The following SCARB1 variants were observed in gnomAD, a reference collection of about 807,000 sequenced individuals.
SCARB1 encodes CD36 and LIMPII analogous 1.
Under a neutral mutation model 57.2 loss-of-function variants are expected in SCARB1, and 30 were observed. The ratio of observed to expected loss-of-function variants is 0.52; its 90% CI spans 0.39 to 0.71. SCARB1 has a LOEUF of 0.71. Among genes scored for constraint, SCARB1 ranks in the 30% least tolerant of loss-of-function variants. SCARB1 has a pLI of 0.00. For synonymous variants in SCARB1, 249 were observed against 268.3 expected (o/e 0.93, Z 0.70); for missense variants, 543 against 671.2 (o/e 0.81, Z 2.11).
chr12:124,780,588 G>A (rs1388803767), intron 12 of SCARB1, among the ~76,000 whole-genome samples: 3 of 152,212 alleles, frequency 2.0e-5, no homozygotes, highest in Non-Finnish European at 4.4e-5. Context: ...TGCATTCCCC[G>A]TTTCACATGC....
At chr12:124,836,908 C>T (rs573950651) in intron 1 of SCARB1, among the ~76,000 whole-genome samples, 1 of 151,978 alleles carries the variant, frequency 6.6e-6, no homozygotes, top group East Asian at 1.9e-4. Flanking sequence ...AGAGCACAAA[C>T]CCAATGTTGG....
chr12:124,849,697 AAGAT>A (rs1221067968), intron 1 of SCARB1, among the ~76,000 whole-genome samples: 1 of 152,246 alleles, frequency 6.6e-6, no homozygotes, highest in African/African-American at 2.4e-5. Context: ...GGAAAAATAA[AAGAT>A]AGAACTGAGC....
intron 1 of SCARB1, among the ~76,000 whole-genome samples, chr12:124,850,955 G>A (rs913146463): frequency 6.6e-6 from 1 of 152,132 alleles, no homozygotes; most frequent in Non-Finnish European, 1.5e-5. Context: ...CTGAGTCTCT[G>A]TGGGCAAGAA....
At chr12:124,803,622 G>C (rs1359718779) in intron 7 of SCARB1, among the ~76,000 whole-genome samples, 2 of 125,992 alleles carry the variant, frequency 1.6e-5, no homozygotes, top group African/African-American at 3.0e-5. Context: ...GAACTTCTTT[G>C]TATCTATGTA....
At chr12:124,828,505 A>G (rs925087357) in intron 1 of SCARB1, among the ~76,000 whole-genome samples, 1 of 152,206 alleles carries the variant, frequency 6.6e-6, no homozygotes, top group African/African-American at 2.4e-5. Flanking sequence ...CTCAGACACC[A>G]GGGGAGCAGA....
chr12:124,823,167 C>G (rs1951008929), intron 1 of SCARB1, among the ~76,000 whole-genome samples: 1 of 152,190 alleles, frequency 6.6e-6, no homozygotes, highest in Non-Finnish European at 1.5e-5. Flanking sequence ...GTTTCCTGAT[C>G]TGGTTGCTGG....
intron 1 of SCARB1, among the ~76,000 whole-genome samples, chr12:124,841,355 C>CTG (rs1566239524): frequency 2.4e-4 from 34 of 138,914 alleles, no homozygotes; most frequent in African/African-American, 8.9e-4. Flanking sequence ...GCCTGGGCAA[C>CTG]AGAGCAAGAC....
intron 1 of SCARB1, among the ~76,000 whole-genome samples, chr12:124,826,436 T>G (rs1391713188): frequency 6.6e-6 from 1 of 151,960 alleles, no homozygotes; most frequent in Non-Finnish European, 1.5e-5. Flanking sequence ...CAAAACAGCA[T>G]TTGGATGCCT....
intron 1 of SCARB1, among the ~76,000 whole-genome samples, chr12:124,825,377 A>G (rs978250382): frequency 2.0e-5 from 3 of 152,052 alleles, no homozygotes; most frequent in African/African-American, 7.2e-5. Context: ...AGACCTCAAA[A>G]AAAGAACAGA....
intron 1 of SCARB1, among the ~76,000 whole-genome samples, chr12:124,858,177 G>A (rs756467657): frequency 1.3e-5 from 2 of 152,112 alleles, no homozygotes; most frequent in African/African-American, 2.4e-5. Flanking sequence ...ACACATGCAC[G>A]CACACACATA....
At chr12:124,784,765 C>G (rs1212752922) in intron 11 of SCARB1, 1 of 152,456 alleles carries the variant, frequency 6.6e-6, no homozygotes, top group African/African-American at 2.4e-5. Context: ...CCAAAAACAG[C>G]CTTTCCTGAT....
chr12:124,796,870 C>T lies in SCARB1; in HGVS notation c.1129-1602G>A, dbSNP rs1343489019. On this transcript the variant is annotated intron_variant, in intron 8 of 12. Transcript: ENST00000261693. This position sits in a 1 kb window ranked among gnomAD's most constrained non-coding sequence, Gnocchi z 4.0. ...AGTTCACGCCACAGGCCTGAAGCTGCTCTCCTTAGGAATTCTGCTGGCATC... is the reference window on the plus strand; with the variant it reads ...AGTTCACGCCACAGGCCTGAAGCTGTTCTCCTTAGGAATTCTGCTGGCATC... 1.3e-5 allele frequency among the ~76,000 whole-genome samples: 2 copies of T among 152,178 alleles called. No individual in the cohort carries two copies. Among genetic ancestry groups the T allele is most frequent in the African/African-American group, 2.4e-5 (1 of 41,434 alleles).
At position 124,812,964 on chromosome 12, in the gene SCARB1, ATTG is replaced by A. The variant is rs1378239424; in HGVS notation, c.631-1002_631-1000del. ...AATGATAGTCTTTATTTTCATTATT[ATTG>A]TTATTATTAATAAATGCTCACCCAA... On this transcript the variant is annotated intron_variant, in intron 4 of 12. Transcript: ENST00000261693. The surrounding 1 kb of genome is among the most constrained non-coding windows in gnomAD (Gnocchi z 4.3). Among the ~76,000 whole-genome samples the A allele has an allele frequency of 1.3e-5, 2 of 152,160 alleles. No homozygotes were observed. The highest frequency in any genetic ancestry group is 3.9e-4 in the East Asian group (2 of 5,194).
chr12:124,786,047 C>A, intron 11 of SCARB1: 1 of 1,508,178 alleles, frequency 6.6e-7, no homozygotes. Flanking sequence ...CCTGGCATCC[C>A]CGGGTGCTGA....
At chr12:124,842,923 G>A (rs542953453) in intron 1 of SCARB1, among the ~76,000 whole-genome samples, 3 of 152,358 alleles carry the variant, frequency 2.0e-5, no homozygotes, top group South Asian at 4.1e-4. Flanking sequence ...CATGGGAACC[G>A]TGTGCCCTTG....
At chr12:124,832,578 C>T (rs548297709) in intron 1 of SCARB1, among the ~76,000 whole-genome samples, 46 of 151,962 alleles carry the variant, frequency 3.0e-4, no homozygotes, top group South Asian at 6.2e-4. Context: ...GGCTCTGTCG[C>T]GGCAATACAG....
At chr12:124,820,441 G>A (rs977554980) in intron 1 of SCARB1, among the ~76,000 whole-genome samples, 10 of 152,046 alleles carry the variant, frequency 6.6e-5, no homozygotes, top group African/African-American at 2.2e-4. Context: ...CTGCCCCCTC[G>A]GTAACGCCCT....
intron 1 of SCARB1, among the ~76,000 whole-genome samples, chr12:124,821,074 C>CA (rs927818038): frequency 6.6e-6 from 1 of 151,980 alleles, no homozygotes; most frequent in Non-Finnish European, 1.5e-5. Flanking sequence ...TCCATCTCTA[C>CA]AAAAAATAGA....
chr12:124,778,918 G>GTTAGGT (rs1872825929), intron 12 of SCARB1, among the ~76,000 whole-genome samples: 1 of 152,198 alleles, frequency 6.6e-6, no homozygotes, highest in Non-Finnish European at 1.5e-5. Context: ...GGCAAGCTCT[G>GTTAGGT]TCCCTCAGGA....
Sources: gnomAD v4.1 joint callset for allele counts (sites outside exome capture counted in the v4.1 genomes callset) on GRCh38, gnomAD v4.1.1 for gene constraint, Gnocchi (gnomAD v3.1) non-coding constraint, MANE v1.5 for transcripts, NCBI Gene and HGNC (gene_info 2026-07-23, HGNC 2026-07-21) for gene names.